The following DLG2 variants were observed in gnomAD, a reference collection of about 807,000 sequenced individuals.
DLG2 encodes discs large MAGUK scaffold protein 2, also known as disks large homolog 2.
Under a neutral mutation model 132.5 loss-of-function variants are expected in DLG2, and 45 were observed. The ratio of observed to expected loss-of-function variants is 0.34; its 90% CI spans 0.27 to 0.44. The LOEUF (loss-of-function observed/expected upper bound fraction) is 0.44, where lower values mean the gene tolerates loss of function less well. Among genes scored for constraint, DLG2 ranks in the 20% least tolerant of loss-of-function variants. DLG2 has a pLI of 1.00. For synonymous variants in DLG2, 424 were observed against 419.6 expected (o/e 1.01, Z -0.13); for missense variants, 1,045 against 1,196.9 (o/e 0.87, Z 1.87).
intron 6 of DLG2, among the ~76,000 whole-genome samples, chr11:84,687,466 T>C (rs1220262612): frequency 2.0e-5 from 3 of 152,176 alleles, no homozygotes; most frequent in African/African-American, 7.2e-5. Context: ...TATTTTCCCA[T>C]GTAAAATTTT....
intron 3 of DLG2, among the ~76,000 whole-genome samples, chr11:85,576,274 G>A (rs2078151838): frequency 6.6e-6 from 1 of 152,044 alleles, no homozygotes. Flanking sequence ...ACTTTAATAG[G>A]TCTATCAATT....
intron 6 of DLG2, among the ~76,000 whole-genome samples, chr11:84,636,803 G>C (rs2099641273): frequency 6.7e-6 from 1 of 149,888 alleles, no homozygotes; most frequent in African/African-American, 2.5e-5. Context: ...TTTTTTTAGA[G>C]GGCGTTTTGC....
At chr11:83,836,378 A>C (rs1336677349) in intron 16 of DLG2, among the ~76,000 whole-genome samples, 3 of 152,106 alleles carry the variant, frequency 2.0e-5, no homozygotes, top group African/African-American at 2.4e-5. Flanking sequence ...TAAGGTACCC[A>C]TTTCCTTGCT....
intron 9 of DLG2, among the ~76,000 whole-genome samples, chr11:84,129,783 G>A (rs1280156134): frequency 6.6e-6 from 1 of 151,906 alleles, no homozygotes; most frequent in Non-Finnish European, 1.5e-5. Context: ...TTAAATATGA[G>A]TACACTTTCC....
In DLG2 at chr11:83,748,017, CACA is replaced by C. The variant is rs767214926; in HGVS notation, c.1825+38670_1825+38672del. Among the ~76,000 whole-genome samples, 454 of 152,284 alleles carry C rather than the reference CACA, an allele frequency of 3.0e-3. 2 individuals carry two copies. The highest frequency in any genetic ancestry group is 3.7e-3 in the Non-Finnish European group (254 of 68,032). ...TATAGAAATTAATAACCCATGATCA[CACA>C]ACAAGTAAGTGGTACAGTTGGGATT... On this transcript the variant is annotated intron_variant, in intron 18 of 27. Coordinates refer to ENST00000376104, the MANE Select transcript of DLG2 (RefSeq NM_001142699.3).
intron 6 of DLG2, among the ~76,000 whole-genome samples, chr11:84,961,564 G>A (rs1436611746): frequency 2.0e-5 from 3 of 147,282 alleles, no homozygotes; most frequent in African/African-American, 7.7e-5. Flanking sequence ...GTGTGTGTGT[G>A]TGTATGTGTA....
intron 8 of DLG2, among the ~76,000 whole-genome samples, chr11:84,219,050 C>A (rs2096878257): frequency 6.6e-6 from 1 of 152,222 alleles, no homozygotes; most frequent in South Asian, 2.1e-4. Flanking sequence ...AGGGAAAACA[C>A]ATTACATAAT....
At chr11:83,832,940 G>A (rs1488440496) in intron 17 of DLG2, among the ~76,000 whole-genome samples, 2 of 152,106 alleles carry the variant, frequency 1.3e-5, no homozygotes, top group Non-Finnish European at 2.9e-5. Flanking sequence ...AAGGTACAGT[G>A]TTTAGAGTAT....
intron 8 of DLG2, among the ~76,000 whole-genome samples, chr11:84,199,813 T>A (rs2096568488): frequency 6.6e-6 from 1 of 151,986 alleles, no homozygotes; most frequent in Non-Finnish European, 1.5e-5. Context: ...TTTGACAATA[T>A]CAAGTGGTCT....
At chr11:83,901,910 A>C (rs2073554532) in intron 15 of DLG2, among the ~76,000 whole-genome samples, 1 of 152,174 alleles carries the variant, frequency 6.6e-6, no homozygotes, top group Non-Finnish European at 1.5e-5. Context: ...GACATCAAAC[A>C]CAATGTATGT....
chr11:85,276,490 A>G (rs1432360642), intron 4 of DLG2, among the ~76,000 whole-genome samples: 1 of 152,162 alleles, frequency 6.6e-6, no homozygotes, highest in Non-Finnish European at 1.5e-5. Context: ...TCTAACTCTG[A>G]TAGTAACACA....
At position 85,574,583 on chromosome 11, in the gene DLG2, G is replaced by A. The variant is rs76140105; in HGVS notation, c.40+24074C>T. Among the ~76,000 whole-genome samples, 5 of 152,296 alleles carry A rather than the reference G, an allele frequency of 3.3e-5. No homozygotes were observed. In the East Asian group the frequency reaches 9.7e-4, roughly 29 times the overall value. ...TCCCCAATATGGGAGGTAGGGCCTA[G>A]TGGAAGATGTTTGTGTCATGGGATG... On this transcript the variant is annotated intron_variant, in intron 3 of 27. Transcript: ENST00000376104.
chr11:85,474,999 T>C (rs2093097457), intron 3 of DLG2, among the ~76,000 whole-genome samples: 1 of 150,360 alleles, frequency 6.7e-6, no homozygotes. Flanking sequence ...TAACAAAGAG[T>C]AGAAAATAAT....
intron 9 of DLG2, among the ~76,000 whole-genome samples, chr11:84,156,569 T>C (rs71469631): frequency 0.035 from 5,266 of 152,302 alleles, 140 homozygotes; most frequent in Non-Finnish European, 0.055. Context: ...GTGATACTAT[T>C]TGAACGTTTT....
At chr11:85,555,602 C>T (rs1479481591) in intron 3 of DLG2, among the ~76,000 whole-genome samples, 5 of 151,862 alleles carry the variant, frequency 3.3e-5, no homozygotes, top group African/African-American at 1.2e-4. Context: ...ACTAAGGAAA[C>T]TTCTTTCCAA....
intron 7 of DLG2, among the ~76,000 whole-genome samples, chr11:84,367,327 C>A (rs1046784004): frequency 6.6e-6 from 1 of 152,054 alleles, no homozygotes; most frequent in African/African-American, 2.4e-5. Context: ...CACTGTAGCA[C>A]GAAAGCAGCC....
intron 15 of DLG2, among the ~76,000 whole-genome samples, chr11:83,923,270 A>G (rs529894132): frequency 5.3e-5 from 8 of 152,264 alleles, no homozygotes; most frequent in African/African-American, 1.9e-4. Context: ...TAGTGCCTGG[A>G]TGAAAATTCA....
At chr11:85,400,071 A>T (rs2087891929) in intron 3 of DLG2, among the ~76,000 whole-genome samples, 1 of 151,944 alleles carries the variant, frequency 6.6e-6, no homozygotes, top group Admixed American at 6.6e-5. Context: ...CAAAGAACTC[A>T]AACAAATTTA....
intron 18 of DLG2, among the ~76,000 whole-genome samples, chr11:83,659,283 T>A (rs982693976): frequency 6.6e-6 from 1 of 152,136 alleles, no homozygotes; most frequent in African/African-American, 2.4e-5. Flanking sequence ...CGGGGATTAG[T>A]TAATAGTTAA....
Sources: allele counts gnomAD v4.1 joint callset (sites outside exome capture counted in the v4.1 genomes callset), GRCh38; gene constraint gnomAD v4.1.1; transcripts MANE v1.5; gene names NCBI Gene and HGNC (gene_info 2026-07-23, HGNC 2026-07-21).